The following DEPTOR variants were observed in gnomAD, a reference collection of about 807,000 sequenced individuals.
The protein encoded by DEPTOR is DEP domain containing MTOR interacting protein.
DEPTOR carries 41 observed loss-of-function variants against 41.6 expected under a neutral mutation model. The ratio of observed to expected loss-of-function variants is 0.98; its 90% CI spans 0.77 to 1.28. DEPTOR has a LOEUF of 1.28. DEPTOR is among the 50% of genes most tolerant of loss of function. The probability of loss-of-function intolerance (pLI) is 0.00; values close to 1 mark genes in which losing one functional copy is unlikely to be tolerated. For synonymous variants in DEPTOR, 195 were observed against 192.3 expected (o/e 1.01, Z -0.12); for missense variants, 514 against 527.9 (o/e 0.97, Z 0.26).
chr8:120,047,882 C>G (rs972409753), intron 8 of DEPTOR, among the ~76,000 whole-genome samples: 1 of 151,242 alleles, frequency 6.6e-6, no homozygotes, highest in African/African-American at 2.4e-5. Context: ...CCCTCTCTAC[C>G]AAAAATACAA....
intron 4 of DEPTOR, among the ~76,000 whole-genome samples, chr8:119,973,966 G>A (rs1563578929): frequency 6.6e-6 from 1 of 152,192 alleles, no homozygotes. Flanking sequence ...TGCAGCAAAG[G>A]AAGCTAGAGG....
chr8:119,936,039 T>A (rs1054316231), intron 3 of DEPTOR, among the ~76,000 whole-genome samples: 2 of 151,204 alleles, frequency 1.3e-5, no homozygotes, highest in African/African-American at 4.9e-5. Flanking sequence ...GCCTTGATTT[T>A]CTCAGCAGCA....
intron 1 of DEPTOR, among the ~76,000 whole-genome samples, chr8:119,885,507 C>T (rs1419158686): frequency 3.9e-5 from 6 of 152,106 alleles, no homozygotes; most frequent in Non-Finnish European, 5.9e-5. Context: ...TAAATTCTAA[C>T]GGTAGAAACA....
chr8:119,929,237 G>A (rs922419677), intron 2 of DEPTOR, among the ~76,000 whole-genome samples: 5 of 151,988 alleles, frequency 3.3e-5, no homozygotes, highest in African/African-American at 1.2e-4. Context: ...ACATGCCATC[G>A]TTCTCTTGGA....
At chr8:120,003,698 G>C (rs1221933592) in intron 6 of DEPTOR, among the ~76,000 whole-genome samples, 1 of 152,152 alleles carries the variant, frequency 6.6e-6, no homozygotes, top group African/African-American at 2.4e-5. Context: ...CCCTGGAATT[G>C]ACCCTGGGTG....
chr8:119,993,059 C>T (rs1046121728), intron 4 of DEPTOR, among the ~76,000 whole-genome samples: 1 of 152,118 alleles, frequency 6.6e-6, no homozygotes, highest in African/African-American at 2.4e-5. Flanking sequence ...CAATTTCCCC[C>T]CTTTTAAGTA....
At chr8:119,885,192 TTTAAC>T (rs1315426997) in intron 1 of DEPTOR, among the ~76,000 whole-genome samples, 1 of 152,210 alleles carries the variant, frequency 6.6e-6, no homozygotes, top group Non-Finnish European at 1.5e-5. Context: ...ATTTTTTCTC[TTTAAC>T]TTTTCTATAT....
chr8:120,026,247 G>A (rs1437739342), intron 8 of DEPTOR, among the ~76,000 whole-genome samples: 1 of 152,100 alleles, frequency 6.6e-6, no homozygotes, highest in Non-Finnish European at 1.5e-5. Context: ...GCAGTGTGAT[G>A]AGACAGATGG....
chr8:119,937,303 G>A (rs1317755807), intron 3 of DEPTOR, among the ~76,000 whole-genome samples: 2 of 152,028 alleles, frequency 1.3e-5, no homozygotes, highest in East Asian at 3.9e-4. Flanking sequence ...GGGAGGCTGA[G>A]GCAGGAGAAT....
At chr8:119,918,847 G>C (rs763048140) in intron 1 of DEPTOR, among the ~76,000 whole-genome samples, 3 of 152,056 alleles carry the variant, frequency 2.0e-5, no homozygotes, top group East Asian at 1.9e-4. Flanking sequence ...GCTTGCCTCA[G>C]ACCCCCAAAA....
In DEPTOR at chr8:119,873,874, G is replaced by A; in HGVS notation, c.28G>A (p.Ala10Thr). ...GGAGGAGGGCGGCAGCACTGGCAGTGCTGGCAGTGACAGCAGCACCAGCGG... is the reference window on the plus strand; with the variant it reads ...GGAGGAGGGCGGCAGCACTGGCAGTACTGGCAGTGACAGCAGCACCAGCGG... Reference protein sequence around the residue: MEEGGSTGSAGSDSSTSGSG... With the variant: MEEGGSTGSTGSDSSTSGSG... The change falls in exon 1 of 9, where the codon GCT becomes ACT. Residue 10 changes from alanine to threonine, a missense_variant. Physicochemically the swap from Ala to Thr is moderately conservative, Grantham distance 58. Coordinates refer to ENST00000286234, the MANE Select transcript of DEPTOR (RefSeq NM_022783.4). 1 of 1,613,510 alleles carries A rather than the reference G, an allele frequency of 6.2e-7. No individual in the cohort carries two copies. The highest frequency in any genetic ancestry group is 8.5e-7 in the Non-Finnish European group (1 of 1,179,800).
At chr8:119,996,608 G>A (rs1191741311) in intron 4 of DEPTOR, among the ~76,000 whole-genome samples, 1 of 152,180 alleles carries the variant, frequency 6.6e-6, no homozygotes, top group Non-Finnish European at 1.5e-5. Flanking sequence ...TAAACACTGG[G>A]TCAGTAATTA....
At chr8:119,941,329 C>T (rs546962285) in intron 3 of DEPTOR, among the ~76,000 whole-genome samples, 3 of 129,816 alleles carry the variant, frequency 2.3e-5, no homozygotes, top group African/African-American at 8.9e-5. Context: ...GCAGAGATCG[C>T]ACCATTGCAC....
At chr8:120,001,402 CATCTGTGGA>C (rs11278400) in intron 4 of DEPTOR, 114 bp from the exon 5 acceptor site, 100,156 of 833,712 alleles carry the variant, frequency 0.12, 7,634 homozygotes, top group African/African-American at 0.35. Flanking sequence ...GCTCATGTGG[CATCTGTGGA>C]AGAGAAGTCT....
intron 4 of DEPTOR, among the ~76,000 whole-genome samples, chr8:119,987,237 C>T (rs1026373580): frequency 2.0e-5 from 3 of 151,994 alleles, no homozygotes; most frequent in African/African-American, 4.8e-5. Flanking sequence ...TTTTTGTTGA[C>T]GTTGATGCTA....
Position 120,026,134 on chromosome 8 carries a change from G to A in DEPTOR, c.1101+17001G>A, listed in dbSNP as rs146495660. Among the ~76,000 whole-genome samples, 431 of 149,260 alleles carry A rather than the reference G, an allele frequency of 2.9e-3. 6 individuals are homozygous for A. The highest frequency in any genetic ancestry group is 0.01 in the African/African-American group (415 of 40,562). ...CCCATGTAGCTGGGATTACAGGCAT[G>A]CACCACCATGTCCGGCTATTTTTTT... On this transcript the variant is annotated intron_variant, in intron 8 of 8. Coordinates refer to ENST00000286234, the MANE Select transcript of DEPTOR (RefSeq NM_022783.4).
At chr8:119,875,012 A>G (rs1827214014) in intron 1 of DEPTOR, among the ~76,000 whole-genome samples, 1 of 152,074 alleles carries the variant, frequency 6.6e-6, no homozygotes. Context: ...AGTGTCTTGC[A>G]AAGGTCTCTG....
rs140263695 is a variant in DEPTOR, at chr8:119,928,417, A to G, written c.140A>G (p.Glu47Gly). Residue 47 changes from glutamate to glycine, a missense_variant, in exon 2 of 9, where the codon GAA becomes GGA. Physicochemically the swap from Glu to Gly is moderately conservative, Grantham distance 98. Coordinates refer to ENST00000286234, the MANE Select transcript of DEPTOR (RefSeq NM_022783.4). ...GEQLRLRLHEEKVIKDRRHHL... is the reference protein window; with the variant it reads ...GEQLRLRLHEGKVIKDRRHHL... ...TCTTTCAGGCTCAGGCTGCACGAAGAAAAGGTTATTAAAGATAGACGTCAT... is the reference window on the plus strand; with the variant it reads ...TCTTTCAGGCTCAGGCTGCACGAAGGAAAGGTTATTAAAGATAGACGTCAT... 3 of 1,612,396 alleles carry G rather than the reference A, an allele frequency of 1.9e-6. No individual in the cohort carries two copies. Among genetic ancestry groups the G allele is most frequent in the East Asian group, 4.5e-5 (2 of 44,856 alleles).
In DEPTOR at chr8:120,049,730, T is replaced by A; in HGVS notation, c.*26T>A. Reference sequence around the variant, plus strand: ...GCTCCTGGGCCTCCCAGCCCTCCAGTGGCCTGTGGGTGAGGGAAGCCAGAA... The same window carrying A: ...GCTCCTGGGCCTCCCAGCCCTCCAGAGGCCTGTGGGTGAGGGAAGCCAGAA... On this transcript the variant is annotated 3_prime_UTR_variant, in exon 9 of 9. Coordinates refer to ENST00000286234, the MANE Select transcript of DEPTOR (RefSeq NM_022783.4). 1 of 1,612,560 alleles carries A rather than the reference T, an allele frequency of 6.2e-7. No individual in the cohort carries two copies. Among genetic ancestry groups the A allele is most frequent in the African/African-American group, 1.3e-5 (1 of 74,986 alleles).
Sources: gnomAD v4.1 joint callset for allele counts (sites outside exome capture counted in the v4.1 genomes callset) on GRCh38, gnomAD v4.1.1 for gene constraint, MANE v1.5 for transcripts, NCBI Gene and HGNC (gene_info 2026-07-23, HGNC 2026-07-21) for gene names.